The following HDHD2 variants were observed in gnomAD, a reference collection of about 807,000 sequenced individuals.
The protein encoded by HDHD2 is haloacid dehalogenase like hydrolase domain containing 2, also known as haloacid dehalogenase-like hydrolase domain-containing protein 2.
In HDHD2, 26 loss-of-function variants were observed where a neutral mutation model predicts 24.8. That is an observed-to-expected ratio of 1.05 (90% confidence interval 0.77 to 1.45). HDHD2 has a LOEUF of 1.45. Among genes scored for constraint, HDHD2 ranks in the 40% most tolerant of loss-of-function variants. The pLI, the probability that HDHD2 is intolerant of heterozygous loss-of-function variation, is 0.00. For synonymous variants in HDHD2, 128 were observed against 114.9 expected (o/e 1.11, Z -0.73); for missense variants, 299 against 313.4 (o/e 0.95, Z 0.35).
At chr18:47,114,197 A>G (rs2063538609) in intron 5 of HDHD2, among the ~76,000 whole-genome samples, 1 of 152,226 alleles carries the variant, frequency 6.6e-6, no homozygotes. Context: ...TGATTATCCT[A>G]TTCAATTTTA....
chr18:47,108,784 C>T lies in HDHD2; in HGVS notation c.678G>A (p.Gly226=), dbSNP rs772617474. The change falls in exon 7 of 7, where the codon GGG becomes GGA. Residue 226 remains glycine, a splice_region_variant and synonymous_variant. Transcript: ENST00000300605. ...VGMLGILVKT[G]KYRASDEEKI... The stretch of plus-strand genomic sequence containing the variant: ...TTTCTTCATCTGATGCTCGATATTT[C>T]CCTGAAATGAAAGTAAAGCCAGTAA... 1.2e-5 allele frequency: 19 copies of T among 1,592,358 alleles called. No homozygotes were observed. In the East Asian group the frequency reaches 4.3e-4, roughly 36 times the overall value.
At chr18:47,110,791 G>A in intron 6 of HDHD2, 1 of 984,754 alleles carries the variant, frequency 1.0e-6, no homozygotes, top group African/African-American at 1.7e-5. Flanking sequence ...ATATATGAAG[G>A]CAAAGAAAGA....
intron 5 of HDHD2, among the ~76,000 whole-genome samples, chr18:47,114,141 C>T (rs2063538295): frequency 2.0e-5 from 3 of 152,206 alleles, no homozygotes; most frequent in Non-Finnish European, 1.5e-5. Context: ...TCAAGAGGAA[C>T]AGGTGTGACT....
At position 47,115,392 on chromosome 18, in the gene HDHD2, G is replaced by C. The variant is rs375608101; in HGVS notation, c.396-44C>G. On this transcript the variant is annotated intron_variant, in intron 4 of 6. Coordinates refer to ENST00000300605, the MANE Select transcript of HDHD2 (RefSeq NM_032124.5). ...AAAAAAACAAATTGGCTAAAAGCAA[G>C]GCTTTTATGACTGGGAACGAATGTC... 2.1e-6 allele frequency: 3 copies of C among 1,417,604 alleles called. No individual in the cohort carries two copies. In the African/African-American group the frequency reaches 4.3e-5, roughly 20 times the overall value. 87.8% of individuals were successfully genotyped at this position (1,417,604 alleles called of 1,614,324 possible).
At position 47,124,903 on chromosome 18, in the gene HDHD2, A is replaced by G. The variant is rs796283934; in HGVS notation, c.395+5341T>C. ...ACTGAGGCTGGATGCAATGGCTCAC[A>G]CCTGTAATCCCAGCACTTTGAGAGA... On this transcript the variant is annotated intron_variant, in intron 4 of 6. Coordinates refer to ENST00000300605, the MANE Select transcript of HDHD2 (RefSeq NM_032124.5). 5.3e-5 allele frequency among the ~76,000 whole-genome samples: 8 copies of G among 151,378 alleles called. No individual in the cohort carries two copies. The East Asian group carries it at 1.2e-3, about 22-fold the overall frequency.
chr18:47,136,459 A>C lies in HDHD2; in HGVS notation c.-10-10T>G. ...TGCCATCCTTCATTCCCTAGGAGAG[A>C]GCAAATGAAATTAAAAATACAGTTT... On this transcript the variant is annotated splice_polypyrimidine_tract_variant and intron_variant, in intron 1 of 6. Transcript: ENST00000300605. 6.2e-7 allele frequency: 1 copy of C among 1,605,358 alleles called. No individual in the cohort carries two copies.
intron 4 of HDHD2, among the ~76,000 whole-genome samples, chr18:47,123,780 A>G (rs2063630017): frequency 6.6e-6 from 1 of 152,224 alleles, no homozygotes; most frequent in African/African-American, 2.4e-5. Flanking sequence ...AAGATATATT[A>G]TTGTACAGAT....
chr18:47,132,759 C>T (rs963196750), intron 3 of HDHD2, among the ~76,000 whole-genome samples: 1 of 152,222 alleles, frequency 6.6e-6, no homozygotes, highest in Admixed American at 6.5e-5. Context: ...AGCAATGTGG[C>T]AAAGCTTCAT....
At chr18:47,123,832 C>G (rs1195554637) in intron 4 of HDHD2, among the ~76,000 whole-genome samples, 1 of 152,146 alleles carries the variant, frequency 6.6e-6, no homozygotes, top group African/African-American at 2.4e-5. Flanking sequence ...AAGGATCAAA[C>G]TCCCAGCAGG....
intron 1 of HDHD2, chr18:47,137,068 T>C (rs2063773711): frequency 2.7e-6 from 2 of 728,376 alleles, no homozygotes; most frequent in Non-Finnish European, 5.2e-6. Flanking sequence ...ACAACGATCA[T>C]ATTAACTTGA....
Position 47,130,335 on chromosome 18 carries a change from A to G in HDHD2, c.311-7T>C, listed in dbSNP as rs1237253902. On this transcript the variant is annotated splice_region_variant and splice_polypyrimidine_tract_variant and intron_variant, in intron 3 of 6. Coordinates refer to ENST00000300605, the MANE Select transcript of HDHD2 (RefSeq NM_032124.5). ...GGATCACTTGTTTGTATTCCTGGGAACGGAAAAAAAAAATGATTGTTGCAA... is the reference window on the plus strand; with the variant it reads ...GGATCACTTGTTTGTATTCCTGGGAGCGGAAAAAAAAAATGATTGTTGCAA... 1.3e-6 allele frequency: 2 copies of G among 1,562,480 alleles called. No individual in the cohort carries two copies. Among genetic ancestry groups the G allele is most frequent in the Non-Finnish European group, 1.7e-6 (2 of 1,147,666 alleles).
At chr18:47,127,976 T>A (rs138214697) in intron 4 of HDHD2, among the ~76,000 whole-genome samples, 1 of 152,216 alleles carries the variant, frequency 6.6e-6, no homozygotes, top group African/African-American at 2.4e-5. Flanking sequence ...TCATTTAAGA[T>A]GTCTGTATTT....
intron 3 of HDHD2, among the ~76,000 whole-genome samples, chr18:47,133,355 A>C (rs1028521787): frequency 6.6e-6 from 1 of 152,038 alleles, no homozygotes; most frequent in African/African-American, 2.4e-5. Context: ...ATAGTATTCC[A>C]TGCTGTATAT....
chr18:47,134,115 G>C (rs764103982), intron 3 of HDHD2, among the ~76,000 whole-genome samples: 4 of 152,090 alleles, frequency 2.6e-5, no homozygotes, highest in Non-Finnish European at 4.4e-5. Flanking sequence ...TTTATGATCT[G>C]TGTTTTTTCA....
chr18:47,148,946 C>T (rs1464569430), intron 1 of HDHD2: 1 of 152,162 alleles, frequency 6.6e-6, no homozygotes, highest in East Asian at 1.9e-4. Context: ...GCTGGGTGAA[C>T]CTGGGCAACC....
chr18:47,126,785 T>C (rs915209479), intron 4 of HDHD2, among the ~76,000 whole-genome samples: 3 of 152,048 alleles, frequency 2.0e-5, no homozygotes, highest in Non-Finnish European at 4.4e-5. Flanking sequence ...CTGGCAACTA[T>C]ACTTCTGAAA....
intron 6 of HDHD2, 151 bp downstream of exon 6, chr18:47,112,826 T>G: frequency 1.6e-6 from 1 of 638,772 alleles, no homozygotes. Flanking sequence ...CCCAATTGTT[T>G]CCTATAATCC....
At chr18:47,135,539 G>A (rs910929291) in intron 2 of HDHD2, among the ~76,000 whole-genome samples, 2 of 152,274 alleles carry the variant, frequency 1.3e-5, no homozygotes, top group African/African-American at 2.4e-5. Context: ...GGGATTACAG[G>A]CGTGAGCCAC....
rs369384657 is a variant in HDHD2 at position 47,148,315 on chromosome 18, T to C, written c.-11+2063A>G. Among the ~76,000 whole-genome samples, 146 of 152,328 alleles carry C rather than the reference T, an allele frequency of 9.6e-4. No homozygotes were observed. The South Asian group carries it at 0.018, about 19-fold the overall frequency. On this transcript the variant is annotated intron_variant, in intron 1 of 6. Coordinates refer to ENST00000300605, the MANE Select transcript of HDHD2 (RefSeq NM_032124.5). ...CTGAACATGTATAATACTCGTTACC[T>C]GAACTACAAGCTGGTATTTGATAAA... is the stretch of plus-strand genomic sequence containing the variant.
Sources: allele counts gnomAD v4.1 joint callset (sites outside exome capture counted in the v4.1 genomes callset), GRCh38; gene constraint gnomAD v4.1.1; transcripts MANE v1.5; gene names NCBI Gene and HGNC (gene_info 2026-07-23, HGNC 2026-07-21).